CSMD3: variants seen among roughly 807,000 people sequenced by gnomAD.
CSMD3 encodes CUB and Sushi multiple domains 3.
A neutral mutation model predicts 435.2 loss-of-function variants in CSMD3; 177 were observed. That is an observed-to-expected ratio of 0.41 (90% CI 0.36 to 0.46). CSMD3 has a LOEUF of 0.46. Among genes scored for constraint, CSMD3 ranks in the 20% least tolerant of loss-of-function variants. The probability of loss-of-function intolerance (pLI) is 0.34; values close to 1 mark genes in which losing one functional copy is unlikely to be tolerated. For missense variants in CSMD3, 4,265 were observed against 4,504.6 expected (o/e 0.95, Z 1.52); for synonymous variants, 1,656 against 1,520.5 (o/e 1.09, Z -2.07).
Position 112,940,191 on chromosome 8 carries a change from T to TTAA in CSMD3, c.1508+7596_1508+7598dup, listed in dbSNP as rs548879449. ...TGAATATACATTATACAGTAGTGTT[T>TTAA]TAATAGTACCAAATGAGTAGCATGT... On this transcript the variant is annotated intron_variant, in intron 9 of 70. Transcript: ENST00000297405. Among the ~76,000 whole-genome samples, 1,011 of 152,012 alleles carry TTAA rather than the reference T, an allele frequency of 6.7e-3. 9 individuals are homozygous for TTAA. The highest frequency in any genetic ancestry group is 0.022 in the African/African-American group (913 of 41,536).
At chr8:112,379,268 G>C (rs762601771) in intron 38 of CSMD3, among the ~76,000 whole-genome samples, 1 of 152,112 alleles carries the variant, frequency 6.6e-6, no homozygotes, top group Non-Finnish European at 1.5e-5. Flanking sequence ...TCAGGAGTTC[G>C]ATACCAGCCT....
At chr8:112,896,312 A>T (rs2081948843) in intron 10 of CSMD3, among the ~76,000 whole-genome samples, 1 of 151,452 alleles carries the variant, frequency 6.6e-6, no homozygotes, top group Non-Finnish European at 1.5e-5. Context: ...AGACGATTCC[A>T]GCTCCCAGCT....
rs73347927 is a variant in CSMD3 at position 112,952,288 on chromosome 8, C to A, written c.1420+2396G>T. ...TGCCATTATGAGACCTTTAAATACA[C>A]ACATACTTTGGCAGTTTGGGAATTT... is the stretch of plus-strand genomic sequence containing the variant. On this transcript the variant is annotated intron_variant, in intron 8 of 70. Coordinates refer to ENST00000297405, the MANE Select transcript of CSMD3 (RefSeq NM_198123.2). Among the ~76,000 whole-genome samples the A allele has an allele frequency of 3.6e-3, 540 of 151,714 alleles. 3 individuals carry two copies. Among genetic ancestry groups the A allele is most frequent in the African/African-American group, 0.012 (503 of 41,508 alleles).
intron 52 of CSMD3, among the ~76,000 whole-genome samples, chr8:112,304,243 G>A (rs1217773624): frequency 1.3e-5 from 2 of 151,972 alleles, no homozygotes; most frequent in Non-Finnish European, 2.9e-5. Context: ...TTTAGAATTT[G>A]GAATCAGAGA....
chr8:112,402,862 T>C (rs549628675), intron 35 of CSMD3, among the ~76,000 whole-genome samples: 2 of 152,340 alleles, frequency 1.3e-5, no homozygotes, highest in South Asian at 4.1e-4. Context: ...ACATTTCTTT[T>C]AGCTCATGAT....
At chr8:112,286,290 C>G (rs1479971282) in intron 58 of CSMD3, among the ~76,000 whole-genome samples, 1 of 152,082 alleles carries the variant, frequency 6.6e-6, no homozygotes, top group Non-Finnish European at 1.5e-5. Context: ...ATTCTTTCCA[C>G]AGTTTCACTT....
At chr8:112,593,311 G>C (rs1586755321) in intron 22 of CSMD3, among the ~76,000 whole-genome samples, 1 of 152,298 alleles carries the variant, frequency 6.6e-6, no homozygotes, top group East Asian at 1.9e-4. Context: ...AAACCCTAGA[G>C]AAGATTGTTG....
At chr8:112,865,631 C>A (rs2080955685) in intron 10 of CSMD3, among the ~76,000 whole-genome samples, 2 of 151,436 alleles carry the variant, frequency 1.3e-5, no homozygotes, top group African/African-American at 4.9e-5. Flanking sequence ...CATACAAGGC[C>A]TATTCTGCTT....
intron 25 of CSMD3, among the ~76,000 whole-genome samples, chr8:112,555,137 C>A (rs1375219991): frequency 1.3e-5 from 2 of 151,856 alleles, no homozygotes; most frequent in Non-Finnish European, 2.9e-5. Context: ...AAATCTTGTG[C>A]AATATCAAGT....
chr8:112,381,734 C>G (rs1398593166), intron 37 of CSMD3, among the ~76,000 whole-genome samples: 1 of 152,130 alleles, frequency 6.6e-6, no homozygotes, highest in East Asian at 1.9e-4. Context: ...CCTTAAGTCT[C>G]TTACAGGATG....
At chr8:112,543,095 A>C (rs1826834519) in intron 27 of CSMD3, among the ~76,000 whole-genome samples, 1 of 152,142 alleles carries the variant, frequency 6.6e-6, no homozygotes, top group Non-Finnish European at 1.5e-5. Flanking sequence ...CACAAAAATC[A>C]ACTCAAAATG....
intron 24 of CSMD3, among the ~76,000 whole-genome samples, chr8:112,568,857 G>A (rs187338477): frequency 3.3e-5 from 5 of 151,998 alleles, no homozygotes; most frequent in South Asian, 2.1e-4. Context: ...TTTAATATTC[G>A]TGACAGCTGT....
intron 41 of CSMD3, among the ~76,000 whole-genome samples, chr8:112,344,170 C>T (rs1825456686): frequency 6.6e-6 from 1 of 152,162 alleles, no homozygotes; most frequent in Non-Finnish European, 1.5e-5. Flanking sequence ...GTGTGAGACA[C>T]CATGCCTGGC....
At chr8:113,357,548 A>T (rs1165219590) in intron 1 of CSMD3, among the ~76,000 whole-genome samples, 4 of 152,242 alleles carry the variant, frequency 2.6e-5, no homozygotes, top group Non-Finnish European at 4.4e-5. Flanking sequence ...AATAAACACA[A>T]CGTTGTTGTA....
At chr8:113,378,479 T>C (rs946987976) in intron 1 of CSMD3, among the ~76,000 whole-genome samples, 3 of 152,290 alleles carry the variant, frequency 2.0e-5, no homozygotes, top group Admixed American at 6.5e-5. Flanking sequence ...AAGAATAGTA[T>C]TTAATCCTCA....
intron 4 of CSMD3, among the ~76,000 whole-genome samples, chr8:113,152,822 T>C (rs968433688): frequency 3.6e-4 from 54 of 151,398 alleles, no homozygotes; most frequent in Non-Finnish European, 7.8e-4. Context: ...CTACTAAAAA[T>C]ACAAAATTTA....
intron 12 of CSMD3, among the ~76,000 whole-genome samples, chr8:112,806,647 G>A (rs1487377369): frequency 6.6e-6 from 1 of 152,142 alleles, no homozygotes; most frequent in East Asian, 1.9e-4. Flanking sequence ...TTGTATTACA[G>A]GGGTAAGAGA....
intron 32 of CSMD3, among the ~76,000 whole-genome samples, chr8:112,464,992 G>A (rs1817818095): frequency 6.6e-6 from 1 of 152,104 alleles, no homozygotes; most frequent in Admixed American, 6.5e-5. Context: ...TAAAGTCTTT[G>A]GCACTTACAA....
intron 38 of CSMD3, among the ~76,000 whole-genome samples, chr8:112,376,727 T>C (rs947021126): frequency 6.6e-6 from 1 of 152,188 alleles, no homozygotes; most frequent in African/African-American, 2.4e-5. Flanking sequence ...ACCAACATTA[T>C]ATGTCCATTA....
Sources: gnomAD v4.1 joint callset for allele counts (sites outside exome capture counted in the v4.1 genomes callset) on GRCh38, gnomAD v4.1.1 for gene constraint, MANE v1.5 for transcripts, NCBI Gene and HGNC (gene_info 2026-07-23, HGNC 2026-07-21) for gene names.